The following WDR76 variants were observed in gnomAD, a reference collection of about 807,000 sequenced individuals.
WDR76 encodes WD repeat-containing protein 76.
A neutral mutation model predicts 70.2 loss-of-function variants in WDR76; 52 were observed. That is an observed-to-expected ratio of 0.74 (90% confidence interval 0.59 to 0.93). The LOEUF (loss-of-function observed/expected upper bound fraction) is 0.93, where lower values mean the gene tolerates loss of function less well. Among genes scored for constraint, WDR76 ranks in the 40% least tolerant of loss-of-function variants. The pLI is 0.00. For synonymous variants in WDR76, 292 were observed against 271.1 expected (o/e 1.08, Z -0.76); for missense variants, 756 against 760.2 (o/e 0.99, Z 0.07).
chr15:43,837,085 CA>C (rs1283161778), intron 4 of WDR76, among the ~76,000 whole-genome samples: 1 of 150,904 alleles, frequency 6.6e-6, no homozygotes, highest in Non-Finnish European at 1.5e-5. Flanking sequence ...TGCTGAAAGT[CA>C]AAACAGCTTA....
At chr15:43,849,595 G>A (rs1020492076) in intron 8 of WDR76, among the ~76,000 whole-genome samples, 1 of 152,086 alleles carries the variant, frequency 6.6e-6, no homozygotes, top group African/African-American at 2.4e-5. Context: ...CTGGAGTTCA[G>A]TGGTGCAATC....
At chr15:43,833,790 C>G (rs2087621645) in intron 2 of WDR76, among the ~76,000 whole-genome samples, 1 of 151,980 alleles carries the variant, frequency 6.6e-6, no homozygotes, top group Non-Finnish European at 1.5e-5. Flanking sequence ...GCGTGTGTCA[C>G]CACACCCGGC....
At chr15:43,842,295 A>G (rs1287227850) in intron 5 of WDR76, 120 bp from the exon 6 acceptor site, 13 of 752,022 alleles carry the variant, frequency 1.7e-5, no homozygotes, top group South Asian at 5.5e-5. Flanking sequence ...ATGATATGCC[A>G]CCATTACTGT....
intron 5 of WDR76, among the ~76,000 whole-genome samples, chr15:43,841,178 G>T (rs898602077): frequency 5.4e-5 from 8 of 148,932 alleles, no homozygotes; most frequent in African/African-American, 1.5e-4. Flanking sequence ...GTGCTACCAC[G>T]CCTGGCTAAG....
At position 43,827,994 on chromosome 15, in the gene WDR76, C is replaced by G; in HGVS notation, c.90C>G (p.Ile30Met). ...ATGAATATAAAGAAAATCAAAACAT[C>G]GCTTATGTGTCTCTGAGACCAGCAC... The part of the protein sequence containing the change: ...KVNEYKENQN[I>M]AYVSLRPAQT... The change falls in exon 2 of 13, where the codon ATC becomes ATG. Residue 30 changes from isoleucine to methionine, a missense_variant. Physicochemically the swap from Ile to Met is conservative, Grantham distance 10. Coordinates refer to ENST00000263795, the MANE Select transcript of WDR76 (RefSeq NM_024908.4). 3 of 1,605,602 alleles carry G rather than the reference C, an allele frequency of 1.9e-6. No homozygotes were observed. The highest frequency in any genetic ancestry group is 2.5e-6 in the Non-Finnish European group (3 of 1,177,940).
intron 2 of WDR76, among the ~76,000 whole-genome samples, chr15:43,830,391 C>T (rs960885360): frequency 5.3e-5 from 8 of 151,302 alleles, no homozygotes; most frequent in African/African-American, 1.5e-4. Context: ...GGAGAAACCC[C>T]GTCTCTACCA....
At chr15:43,837,559 A>G (rs1567183811) in intron 4 of WDR76, among the ~76,000 whole-genome samples, 2 of 152,154 alleles carry the variant, frequency 1.3e-5, no homozygotes. Flanking sequence ...GATTTAGCAA[A>G]TTTGGGTTCA....
intron 8 of WDR76, among the ~76,000 whole-genome samples, chr15:43,845,474 A>G (rs1029985606): frequency 1.3e-5 from 2 of 150,244 alleles, no homozygotes; most frequent in East Asian, 1.9e-4. Context: ...GGCACCAACT[A>G]TGAACCAGAA....
At chr15:43,841,231 C>T (rs2087721733) in intron 5 of WDR76, among the ~76,000 whole-genome samples, 1 of 131,444 alleles carries the variant, frequency 7.6e-6, no homozygotes, top group Admixed American at 8.6e-5. Flanking sequence ...GAGACGGAGT[C>T]TCAATCTGTT....
chr15:43,842,600 A>T, intron 6 of WDR76, 28 bp from the exon 7 acceptor site: 3 of 1,605,062 alleles, frequency 1.9e-6, no homozygotes, highest in Non-Finnish European at 2.6e-6. Flanking sequence ...ATACTAACTT[A>T]GTTCTTTCAT....
At chr15:43,835,256 C>A in intron 3 of WDR76, 106 bp downstream of exon 3, 3 of 999,684 alleles carry the variant, frequency 3.0e-6, no homozygotes, top group East Asian at 2.5e-5. Flanking sequence ...CGCTTGAGGC[C>A]AGGAGTTCGA....
chr15:43,828,434 G>A (rs2087545417), intron 2 of WDR76, 68 bp downstream of exon 2: 1 of 1,446,306 alleles, frequency 6.9e-7, no homozygotes, highest in Non-Finnish European at 9.3e-7. Context: ...ATAAATCGAA[G>A]TTTTTCGAGG....
chr15:43,827,783 G>A (rs574971321), intron 1 of WDR76, among the ~76,000 whole-genome samples, 182 bp from the exon 2 acceptor site: 2 of 152,276 alleles, frequency 1.3e-5, no homozygotes, highest in South Asian at 4.1e-4. Flanking sequence ...CTGACCTCGC[G>A]ATCTGCCCGA....
chr15:43,851,042 T>G, intron 8 of WDR76, 45 bp from the exon 9 acceptor site: 1 of 1,603,778 alleles, frequency 6.2e-7, no homozygotes, highest in East Asian at 2.2e-5. Flanking sequence ...TCACTATTTT[T>G]CACTAGTTTT....
In WDR76 at chr15:43,856,998, A is replaced by G; in HGVS notation, c.1244A>G (p.Asp415Gly). ...TCCTCCTTCGACTTCTTGGCAGAAG[A>G]TGCCTCCACTTTAATAGTAGGACAC... is the stretch of plus-strand genomic sequence containing the variant. ...SFSSFDFLAE[D>G]ASTLIVGHWD... The change falls in exon 10 of 13, where the codon GAT becomes GGT. Residue 415 changes from aspartate (D) to glycine (G), a missense_variant. Asp to Gly is a moderately conservative substitution (Grantham distance 94). Transcript: ENST00000263795. 6.2e-7 allele frequency: 1 copy of G among 1,614,142 alleles called. No individual in the cohort carries two copies. Among genetic ancestry groups the G allele is most frequent in the Non-Finnish European group, 8.5e-7 (1 of 1,180,006 alleles).
chr15:43,854,351 C>G (rs2087901642), intron 9 of WDR76, among the ~76,000 whole-genome samples: 1 of 152,142 alleles, frequency 6.6e-6, no homozygotes, highest in African/African-American at 2.4e-5. Context: ...GGGTGGATCA[C>G]TAGAGCTCAG....
rs537788384 is a variant in WDR76 at position 43,839,768 on chromosome 15, A to G, written c.732+40A>G. 7.8e-6 allele frequency: 12 copies of G among 1,541,434 alleles called. No homozygotes were observed. The East Asian group carries it at 2.3e-4, about 30-fold the overall frequency. The stretch of plus-strand genomic sequence containing the variant: ...AAATATAATATTTTAATGTAATAAA[A>G]TACTGAAAAATTTGAAGTGTTGAAA... On this transcript the variant is annotated intron_variant, in intron 5 of 12. Coordinates refer to ENST00000263795, the MANE Select transcript of WDR76 (RefSeq NM_024908.4).
intron 12 of WDR76, among the ~76,000 whole-genome samples, chr15:43,864,183 G>A (rs144770344): frequency 2.0e-4 from 31 of 152,292 alleles, no homozygotes; most frequent in African/African-American, 7.5e-4. Context: ...TTTATCCATT[G>A]ATTTGTTGAT....
At chr15:43,851,016 A>T in intron 8 of WDR76, 71 bp from the exon 9 acceptor site, 1 of 1,568,548 alleles carries the variant, frequency 6.4e-7, no homozygotes, top group Non-Finnish European at 8.7e-7. Context: ...TTAATGACAT[A>T]ATAGCATAGC....
Sources: allele counts gnomAD v4.1 joint callset (sites outside exome capture counted in the v4.1 genomes callset), GRCh38; gene constraint gnomAD v4.1.1; transcripts MANE v1.5; gene names NCBI Gene and HGNC (gene_info 2026-07-23, HGNC 2026-07-21).